Variants in RNF122 observed in about 807,000 individuals in gnomAD.
RNF122 encodes the protein ring finger protein 122.
Under a neutral mutation model 24.2 loss-of-function variants are expected in RNF122, and 17 were observed. The observed-to-expected ratio is 0.70, with a 90% CI of 0.48 to 1.06. RNF122 has a LOEUF of 1.06. Ranked by LOEUF, RNF122 falls within the 50% of genes least tolerant of loss-of-function variation. The pLI is 0.00. For missense variants in RNF122, 168 were observed against 198.1 expected, an observed-to-expected ratio of 0.85 and a Z score of 0.91; for synonymous variants, 65 against 71.8, an observed-to-expected ratio of 0.91 and a Z score of 0.48.
chr8:33,559,317 A>AT (rs1225570582), intron 1 of RNF122, among the ~76,000 whole-genome samples: 7 of 90,384 alleles, frequency 7.7e-5, no homozygotes, highest in South Asian at 2.7e-4. Context: ...ATTTTTAAAA[A>AT]TTAAAAAAAA....
At chr8:33,557,071 T>C (rs148379136) in intron 2 of RNF122, among the ~76,000 whole-genome samples, 15 of 152,354 alleles carry the variant, frequency 9.8e-5, no homozygotes, top group Non-Finnish European at 2.2e-4. Flanking sequence ...CTTAAATTAT[T>C]TGATCAGTCA....
chr8:33,554,385 C>T (rs1310005980), intron 2 of RNF122, among the ~76,000 whole-genome samples: 2 of 152,084 alleles, frequency 1.3e-5, no homozygotes, highest in African/African-American at 4.8e-5. Context: ...TTTTCTGTAC[C>T]CCAGGCACCT....
Position 33,551,374 on chromosome 8 carries a change from C to T in RNF122, c.198G>A (p.Gln66=), listed in dbSNP as rs754541267. Residue 66 remains glutamine, a synonymous_variant, in exon 3 of 6, where the codon CAG becomes CAA. Transcript: ENST00000256257. ...CCYFISKLRN[Q]AQSERYGYKE... ...TATATCCGTATCGCTCACTCTGTGCCTGGTTCCGCAGTTTGCTGGGAGAAA... is the reference window on the plus strand; with the variant it reads ...TATATCCGTATCGCTCACTCTGTGCTTGGTTCCGCAGTTTGCTGGGAGAAA... 94 of 1,614,016 alleles carry T rather than the reference C, an allele frequency of 5.8e-5. No homozygotes were observed. The highest frequency in any genetic ancestry group is 6.9e-5 in the Non-Finnish European group (82 of 1,179,998).
chr8:33,562,045 G>A (rs1585362266), intron 1 of RNF122, among the ~76,000 whole-genome samples: 1 of 151,938 alleles, frequency 6.6e-6, no homozygotes, highest in Non-Finnish European at 1.5e-5. Flanking sequence ...AGCTTTCCCT[G>A]CCTGAAACGC....
chr8:33,566,390 C>T (rs995889417), intron 1 of RNF122, among the ~76,000 whole-genome samples: 3 of 152,214 alleles, frequency 2.0e-5, no homozygotes, highest in African/African-American at 7.2e-5. Context: ...AGAGTTTGAG[C>T]GCACAAAGGC....
intron 1 of RNF122, among the ~76,000 whole-genome samples, chr8:33,560,002 C>T (rs541429317): frequency 7.2e-5 from 11 of 152,060 alleles, no homozygotes; most frequent in South Asian, 2.1e-4. Context: ...CCACCATGCC[C>T]GGCTAATTTT....
intron 1 of RNF122, among the ~76,000 whole-genome samples, chr8:33,563,427 A>G (rs1307084960): frequency 2.0e-5 from 3 of 152,246 alleles, no homozygotes; most frequent in Non-Finnish European, 2.9e-5. Context: ...AACAGAAAGT[A>G]GAAGTTCTTG....
chr8:33,563,342 C>T (rs1363184384), intron 1 of RNF122, among the ~76,000 whole-genome samples: 15 of 152,282 alleles, frequency 9.9e-5, no homozygotes, highest in African/African-American at 2.4e-4. Context: ...AACTGCCCTC[C>T]GCTAATGGAT....
intron 4 of RNF122, among the ~76,000 whole-genome samples, chr8:33,550,064 A>T (rs886223324): frequency 3.3e-5 from 5 of 151,892 alleles, no homozygotes; most frequent in Non-Finnish European, 7.4e-5. Context: ...CTCCCAAGTA[A>T]CTGGGATTAC....
chr8:33,554,417 T>A (rs552858506), intron 2 of RNF122, among the ~76,000 whole-genome samples: 1 of 152,268 alleles, frequency 6.6e-6, no homozygotes, highest in East Asian at 1.9e-4. Flanking sequence ...TCCCCACCCA[T>A]CATGCCTCTT....
Position 33,549,383 on chromosome 8 carries a change from G to A in RNF122, c.353+27C>T, listed in dbSNP as rs376727459. The stretch of plus-strand genomic sequence containing the variant: ...GCTCCCTGATTATTTCTCCTTCGAC[G>A]GGCACCCTGGACACATTCCCACGTA... On this transcript the variant is annotated intron_variant, in intron 5 of 5. Coordinates refer to ENST00000256257, the MANE Select transcript of RNF122 (RefSeq NM_024787.3). 5.4e-4 allele frequency: 849 copies of A among 1,584,318 alleles called. 1 individual carries two copies. Among genetic ancestry groups the A allele is most frequent in the Non-Finnish European group, 7.1e-4 (815 of 1,152,850 alleles).
chr8:33,564,947 A>G (rs1443157231), intron 1 of RNF122, among the ~76,000 whole-genome samples: 1 of 152,236 alleles, frequency 6.6e-6, no homozygotes, highest in Non-Finnish European at 1.5e-5. Context: ...CGCTGCCCAG[A>G]AAGGGCAGTG....
chr8:33,565,225 G>A (rs961891874), intron 1 of RNF122, among the ~76,000 whole-genome samples: 1 of 152,104 alleles, frequency 6.6e-6, no homozygotes, highest in Non-Finnish European at 1.5e-5. Flanking sequence ...TATCACACAC[G>A]GCTTGGTTCA....
Position 33,550,995 on chromosome 8 carries a change from T to C in RNF122, c.270+49A>G, listed in dbSNP as rs746747168. ...GGCAGAGAACTGGAGCAAGGTGCTG[T>C]CTGCCTCACCTGCTGGGGCCCTCCT... is the stretch of plus-strand genomic sequence containing the variant. On this transcript the variant is annotated intron_variant, in intron 4 of 5. Coordinates refer to ENST00000256257, the MANE Select transcript of RNF122 (RefSeq NM_024787.3). 2.5e-6 allele frequency: 4 copies of C among 1,582,972 alleles called. No individual in the cohort carries two copies. The South Asian group carries it at 4.4e-5, about 18-fold the overall frequency.
At chr8:33,552,406 A>G (rs1407260055) in intron 2 of RNF122, among the ~76,000 whole-genome samples, 1 of 151,890 alleles carries the variant, frequency 6.6e-6, no homozygotes, top group African/African-American at 2.4e-5. Flanking sequence ...TCTCATAAAA[A>G]TAAAAAAAGA....
At chr8:33,557,876 C>T (rs771591160) in intron 2 of RNF122, among the ~76,000 whole-genome samples, 2 of 152,144 alleles carry the variant, frequency 1.3e-5, no homozygotes, top group African/African-American at 4.8e-5. Flanking sequence ...GGTGTGGTGA[C>T]TCATGCCTGC....
intron 2 of RNF122, among the ~76,000 whole-genome samples, chr8:33,554,742 C>G (rs1443953248): frequency 6.6e-6 from 1 of 152,212 alleles, no homozygotes; most frequent in Non-Finnish European, 1.5e-5. Flanking sequence ...TCCCTTTCCT[C>G]TTTTCCCTTT....
chr8:33,559,612 C>T (rs1037321632), intron 1 of RNF122, among the ~76,000 whole-genome samples: 1 of 152,120 alleles, frequency 6.6e-6, no homozygotes, highest in African/African-American at 2.4e-5. Context: ...GAAGACAAGC[C>T]ATGCCAGGAC....
At position 33,548,744 on chromosome 8, in the gene RNF122, C is replaced by T. The variant is rs186427620; in HGVS notation, c.*9G>A. On this transcript the variant is annotated 3_prime_UTR_variant, in exon 6 of 6. Coordinates refer to ENST00000256257, the MANE Select transcript of RNF122 (RefSeq NM_024787.3). ...AGGTCTTCTCCAGGTCTCGGTGTAG[C>T]GGCAGCACTCACACCAGCTCATCCA... is the stretch of plus-strand genomic sequence containing the variant. 2.1e-5 allele frequency: 33 copies of T among 1,560,652 alleles called. No homozygotes were observed. The highest frequency in any genetic ancestry group is 1.3e-4 in the East Asian group (6 of 44,574).
Sources: allele counts gnomAD v4.1 joint callset (sites outside exome capture counted in the v4.1 genomes callset), GRCh38; gene constraint gnomAD v4.1.1; transcripts MANE v1.5; gene names NCBI Gene and HGNC (gene_info 2026-07-23, HGNC 2026-07-21).